Variants in KIAA1549 observed in about 807,000 individuals in gnomAD.
The protein encoded by KIAA1549 is KIAA1549, also known as UPF0606 protein KIAA1549.
Under a neutral mutation model 156.4 loss-of-function variants are expected in KIAA1549, and 70 were observed. The observed-to-expected ratio is 0.45, with a 90% CI of 0.37 to 0.55. The LOEUF (loss-of-function observed/expected upper bound fraction) is 0.55. Ranked by LOEUF, KIAA1549 falls within the 20% of genes least tolerant of loss-of-function variation. The probability of loss-of-function intolerance (pLI) is 0.00; values close to 1 mark genes in which losing one functional copy is unlikely to be tolerated. For synonymous variants in KIAA1549, 1,103 were observed against 1,066.4 expected, an observed-to-expected ratio of 1.03 and a Z score of -0.67; for missense variants, 2,428 against 2,540.9, an observed-to-expected ratio of 0.96 and a Z score of 0.96.
intron 12 of KIAA1549, among the ~76,000 whole-genome samples, chr7:138,878,444 G>A (rs374286759): frequency 6.6e-6 from 1 of 152,198 alleles, no homozygotes; most frequent in South Asian, 2.1e-4. Flanking sequence ...ATTAAAAACT[G>A]TAAGTATAAA....
chr7:138,891,059 G>A (rs2130427667), intron 10 of KIAA1549, among the ~76,000 whole-genome samples: 1 of 152,316 alleles, frequency 6.6e-6, no homozygotes, highest in South Asian at 2.1e-4. Flanking sequence ...CACTGCAAAT[G>A]GGGTGCCCCC....
chr7:138,946,517 C>T (rs1813341859), intron 1 of KIAA1549, among the ~76,000 whole-genome samples: 1 of 152,150 alleles, frequency 6.6e-6, no homozygotes, highest in Non-Finnish European at 1.5e-5. Flanking sequence ...CGGTGGCTCA[C>T]GCCTGTAATC....
At chr7:138,883,042 A>T (rs1489076237) in intron 10 of KIAA1549, among the ~76,000 whole-genome samples, 1 of 146,180 alleles carries the variant, frequency 6.8e-6, no homozygotes, top group Non-Finnish European at 1.5e-5. Context: ...ACCTGAGGTC[A>T]GGAGTTCGAG....
intron 19 of KIAA1549, among the ~76,000 whole-genome samples, chr7:138,839,862 A>G (rs1809856177): frequency 8.3e-6 from 1 of 121,192 alleles, no homozygotes; most frequent in Admixed American, 1.2e-4. Flanking sequence ...ATCTCGGCTT[A>G]GTGCAACCTC....
chr7:138,832,148 C>G lies in KIAA1549; in HGVS notation c.*5758G>C. The stretch of plus-strand genomic sequence containing the variant: ...CTGTGTAATCAGGGACTGCAAGAGA[C>G]TCAAGTCACTCAAAATTTCACCTCT... On this transcript the variant is annotated 3_prime_UTR_variant, in exon 20 of 20. Transcript: ENST00000422774. 1 of 210,284 alleles carries G rather than the reference C, an allele frequency of 4.8e-6. No individual in the cohort carries two copies. Among genetic ancestry groups the G allele is most frequent in the Non-Finnish European group, 9.6e-6 (1 of 104,588 alleles). 13.0% of individuals were successfully genotyped at this position (210,284 alleles called of 1,614,324 possible). A position where few individuals can be genotyped will look rare whatever the true frequency, so the allele number is the denominator to read the frequency against.
chr7:138,904,286 C>G (rs113352605), intron 7 of KIAA1549, among the ~76,000 whole-genome samples: 1 of 152,214 alleles, frequency 6.6e-6, no homozygotes, highest in African/African-American at 2.4e-5. Flanking sequence ...TCAACCAGAA[C>G]TGGTTTAAGT....
chr7:138,860,755 T>G (rs952012786), intron 16 of KIAA1549, among the ~76,000 whole-genome samples: 1 of 152,156 alleles, frequency 6.6e-6, no homozygotes. Context: ...CTCAACAACT[T>G]GGATACATTC....
intron 1 of KIAA1549, 111 bp from the exon 2 acceptor site, chr7:138,919,549 A>T: frequency 6.7e-7 from 1 of 1,495,606 alleles, no homozygotes; most frequent in Non-Finnish European, 8.9e-7. Flanking sequence ...TTCACCATAA[A>T]TATCCATGAA....
Position 138,869,486 on chromosome 7 carries a change from C to G in KIAA1549, c.4775+52G>C, listed in dbSNP as rs548415255. 78 of 1,417,016 alleles carry G rather than the reference C, an allele frequency of 5.5e-5. 2 individuals are homozygous for G. The South Asian group carries it at 9.2e-4, about 17-fold the overall frequency. The allele number at this position is 1,417,016 out of a possible 1,614,324, so 87.8% of individuals were successfully genotyped here. A position where few individuals can be genotyped will look rare whatever the true frequency, so the allele number is the denominator to read the frequency against. The stretch of plus-strand genomic sequence containing the variant: ...GCTCCTGTCCTGCTCCTGTGCCCCC[C>G]GCAGCACCTCTGCGCGCCCGCCCCA... On this transcript the variant is annotated intron_variant, in intron 14 of 19. Transcript: ENST00000422774.
At chr7:138,975,047 C>A (rs1280329225) in intron 1 of KIAA1549, among the ~76,000 whole-genome samples, 1 of 152,056 alleles carries the variant, frequency 6.6e-6, no homozygotes, top group South Asian at 2.1e-4. Flanking sequence ...TTGTCAAATG[C>A]AGATTCTGAT....
At chr7:138,976,217 C>T (rs1814372795) in intron 1 of KIAA1549, among the ~76,000 whole-genome samples, 1 of 152,126 alleles carries the variant, frequency 6.6e-6, no homozygotes, top group Non-Finnish European at 1.5e-5. Context: ...GCTGGGATTA[C>T]AGGCACCTGC....
chr7:138,921,009 C>G (rs763300406), intron 1 of KIAA1549, among the ~76,000 whole-genome samples: 12 of 152,166 alleles, frequency 7.9e-5, no homozygotes, highest in Non-Finnish European at 1.6e-4. Flanking sequence ...AAAACAGGAG[C>G]TGCTCAAGGG....
chr7:138,926,724 G>A (rs529101221), intron 1 of KIAA1549, among the ~76,000 whole-genome samples: 11 of 151,994 alleles, frequency 7.2e-5, no homozygotes, highest in Admixed American at 1.3e-4. Flanking sequence ...TTTCTCCACC[G>A]CAAAATGTAC....
Position 138,868,029 on chromosome 7 carries a change from A to T in KIAA1549, c.4875T>A (p.Asp1625Glu). The change falls in exon 15 of 20, where the codon GAT becomes GAA. Residue 1625 changes from aspartate (D) to glutamate (E), a missense_variant. Asp to Glu is a conservative substitution (Grantham distance 45, BLOSUM62 2). Coordinates refer to ENST00000422774, the MANE Select transcript of KIAA1549 (RefSeq NM_001164665.2). ...EKDRLITTDS[D>E]GTYRRPPGVH... ...CGCCGGGGGGCCTCCTGTAGGTGCCATCGCTGTCTGTGGTGATGAGCCGGT... is the reference window on the plus strand; with the variant it reads ...CGCCGGGGGGCCTCCTGTAGGTGCCTTCGCTGTCTGTGGTGATGAGCCGGT... 2 of 1,613,960 alleles carry T rather than the reference A, an allele frequency of 1.2e-6. No individual in the cohort carries two copies. Among genetic ancestry groups the T allele is most frequent in the Non-Finnish European group, 1.7e-6 (2 of 1,179,866 alleles).
At position 138,869,646 on chromosome 7, in the gene KIAA1549, C is replaced by A. The variant is rs2130382408; in HGVS notation, c.4667G>T (p.Gly1556Val). 6.2e-7 allele frequency: 1 copy of A among 1,611,592 alleles called. No individual in the cohort carries two copies. The highest frequency in any genetic ancestry group is 8.5e-7 in the Non-Finnish European group (1 of 1,179,644). ...CACCCGGTGTCGCTCCTTAGTGTCG[C>A]CCGAGGACAGGTCGTCTACCACCGG... The part of the protein sequence containing the change: ...EFPVVDDLSS[G>V]DTKERHRVYR... The change falls in exon 14 of 20, where the codon GGC becomes GTC. Residue 1556 changes from glycine (G) to valine (V), a missense_variant. By Grantham distance (109) the Gly-to-Val change is moderately radical. Coordinates refer to ENST00000422774, the MANE Select transcript of KIAA1549 (RefSeq NM_001164665.2).
intron 16 of KIAA1549, among the ~76,000 whole-genome samples, chr7:138,855,907 G>C (rs1810373842): frequency 6.6e-6 from 1 of 152,064 alleles, no homozygotes; most frequent in African/African-American, 2.4e-5. Context: ...AAAACCATGA[G>C]ATGACTGGTT....
chr7:138,943,906 A>G (rs1016007615), intron 1 of KIAA1549, among the ~76,000 whole-genome samples: 5 of 152,056 alleles, frequency 3.3e-5, no homozygotes, highest in South Asian at 2.1e-4. Context: ...TTTTTGTGGT[A>G]AGCACACTTA....
intron 7 of KIAA1549, among the ~76,000 whole-genome samples, chr7:138,904,332 T>C (rs997003449): frequency 6.6e-6 from 1 of 152,208 alleles, no homozygotes; most frequent in African/African-American, 2.4e-5. Context: ...AGTTACTTAA[T>C]TGCTATAGAA....
At chr7:138,944,879 G>A (rs1484701367) in intron 1 of KIAA1549, among the ~76,000 whole-genome samples, 3 of 152,206 alleles carry the variant, frequency 2.0e-5, no homozygotes, top group Non-Finnish European at 4.4e-5. Flanking sequence ...TGGCTGCCAG[G>A]GGCGAGGAGG....
Sources: gnomAD v4.1 joint callset for allele counts (sites outside exome capture counted in the v4.1 genomes callset) on GRCh38, gnomAD v4.1.1 for gene constraint, MANE v1.5 for transcripts, NCBI Gene and HGNC (gene_info 2026-07-23, HGNC 2026-07-21) for gene names.